Variants in PRKCH observed in about 807,000 individuals in gnomAD.
The protein encoded by PRKCH is protein kinase C eta type.
A neutral mutation model predicts 82.5 loss-of-function variants in PRKCH; 28 were observed. That is an observed-to-expected ratio of 0.34 (90% confidence interval 0.25 to 0.47). The LOEUF (loss-of-function observed/expected upper bound fraction) is 0.47, where lower values mean the gene tolerates loss of function less well. PRKCH is among the 20% of genes least tolerant of loss of function. The pLI, the probability that PRKCH is intolerant of heterozygous loss-of-function variation, is 1.00. For synonymous variants in PRKCH, 322 were observed against 327.4 expected, an observed-to-expected ratio of 0.98 and a Z score of 0.18; for missense variants, 705 against 881.8, an observed-to-expected ratio of 0.80 and a Z score of 2.54.
At chr14:61,506,041 G>T (rs1019184510) in intron 10 of PRKCH, among the ~76,000 whole-genome samples, 2 of 152,040 alleles carry the variant, frequency 1.3e-5, no homozygotes, top group African/African-American at 4.8e-5. Flanking sequence ...AGTCCCCAAG[G>T]TATACTTTAG....
At chr14:61,263,069 C>T (rs1364248066) in intron 1 of PRKCH, among the ~76,000 whole-genome samples, 2 of 152,126 alleles carry the variant, frequency 1.3e-5, no homozygotes, top group Admixed American at 6.6e-5. Flanking sequence ...TAGTTGACTA[C>T]TTATTTTTAT....
chr14:61,352,525 G>A (rs1230427582), intron 1 of PRKCH, among the ~76,000 whole-genome samples: 6 of 151,944 alleles, frequency 3.9e-5, no homozygotes, highest in Admixed American at 6.6e-5. Flanking sequence ...TTAGCTGGGC[G>A]TGGTGGTGTG....
intron 1 of PRKCH, among the ~76,000 whole-genome samples, chr14:61,289,711 ATAAAC>A (rs1458575808): frequency 2.6e-5 from 4 of 152,218 alleles, no homozygotes; most frequent in East Asian, 1.9e-4. Flanking sequence ...TGTCTCAAAA[ATAAAC>A]TAAGTATTGA....
chr14:61,208,855 A>G (rs955844732), intron 1 of PRKCH, among the ~76,000 whole-genome samples: 1 of 152,170 alleles, frequency 6.6e-6, no homozygotes, highest in African/African-American at 2.4e-5. Context: ...CCTAACCCCA[A>G]TATGATGGTA....
intron 9 of PRKCH, among the ~76,000 whole-genome samples, chr14:61,478,824 G>C (rs1019880890): frequency 5.9e-5 from 9 of 152,262 alleles, no homozygotes; most frequent in African/African-American, 1.9e-4. Context: ...TCCTGCCACT[G>C]CCCTCCAGCC....
intron 1 of PRKCH, among the ~76,000 whole-genome samples, chr14:61,283,485 T>C (rs1594890792): frequency 1.3e-5 from 2 of 152,136 alleles, no homozygotes; most frequent in South Asian, 4.1e-4. Flanking sequence ...TACCATCAGG[T>C]GCAGGGAAAG....
chr14:61,386,948 C>G (rs1319050643), intron 1 of PRKCH, among the ~76,000 whole-genome samples: 1 of 152,166 alleles, frequency 6.6e-6, no homozygotes, highest in Non-Finnish European at 1.5e-5. Context: ...AAAAAAATCC[C>G]AAAGAATCAA....
At chr14:61,217,223 C>G (rs779995193) in intron 1 of PRKCH, among the ~76,000 whole-genome samples, 1 of 152,006 alleles carries the variant, frequency 6.6e-6, no homozygotes, top group Non-Finnish European at 1.5e-5. Flanking sequence ...TCTCTCCCAT[C>G]TCTAAAAAAG....
At chr14:61,189,035 C>T (rs1427325897) in intron 1 of PRKCH, among the ~76,000 whole-genome samples, 2 of 152,058 alleles carry the variant, frequency 1.3e-5, no homozygotes, top group African/African-American at 4.8e-5. Flanking sequence ...TGTATTTGAA[C>T]AGAAAAAAGC....
At chr14:61,444,364 C>G (rs1324828044) in intron 3 of PRKCH, among the ~76,000 whole-genome samples, 1 of 152,180 alleles carries the variant, frequency 6.6e-6, no homozygotes, top group Non-Finnish European at 1.5e-5. Flanking sequence ...AGCCCCACCT[C>G]TCTGTGGTTT....
rs1244622607 is a variant in PRKCH at position 61,321,976 on chromosome 14, G to A, written c.-126G>A. 1.9e-6 allele frequency: 2 copies of A among 1,055,428 alleles called. No individual in the cohort carries two copies. The highest frequency in any genetic ancestry group is 2.9e-5 in the Admixed American group (1 of 34,310). The allele number at this position is 1,055,428 out of a possible 1,614,324, so 65.4% of individuals were successfully genotyped here. A position where few individuals can be genotyped will look rare whatever the true frequency, so the allele number is the denominator to read the frequency against. The stretch of plus-strand genomic sequence containing the variant: ...AGAATGGCCAGTCGAGGGGCGCTTA[G>A]GCGCTGCCTTTCCCCAGGGCTGCCT... On this transcript the variant is annotated 5_prime_UTR_variant, in exon 1 of 14. Transcript: ENST00000332981. The surrounding 1 kb of genome is among the most constrained non-coding windows in gnomAD (Gnocchi z 4.1).
chr14:61,433,569 A>C (rs895297428), intron 2 of PRKCH, among the ~76,000 whole-genome samples: 2 of 152,196 alleles, frequency 1.3e-5, no homozygotes, highest in African/African-American at 4.8e-5. Context: ...CTGAGCTTCA[A>C]GTAAATGAGA....
intron 1 of PRKCH, among the ~76,000 whole-genome samples, chr14:61,219,977 G>A (rs553360097): frequency 3.9e-5 from 6 of 152,270 alleles, no homozygotes; most frequent in Admixed American, 3.9e-4. Context: ...TTCCTTGGGA[G>A]GCCTCTGGTA....
chr14:61,529,703 G>A (rs8022475), intron 11 of PRKCH, among the ~76,000 whole-genome samples: 111,511 of 132,758 alleles, frequency 0.84, 47,014 homozygotes, highest in East Asian at 0.93. Flanking sequence ...GGAATTGAAC[G>A]ATGAGATCAC....
intron 1 of PRKCH, among the ~76,000 whole-genome samples, chr14:61,290,033 C>G (rs2045346779): frequency 6.6e-6 from 1 of 152,188 alleles, no homozygotes; most frequent in African/African-American, 2.4e-5. Context: ...GTGGCCCATG[C>G]CTGTTATCCC....
chr14:61,375,941 C>T (rs572676273), intron 1 of PRKCH, among the ~76,000 whole-genome samples: 24 of 150,028 alleles, frequency 1.6e-4, no homozygotes, highest in East Asian at 5.9e-4. Flanking sequence ...CACTTGAACC[C>T]GGGAGGTAGA....
chr14:61,362,717 C>G (rs1165541082), intron 1 of PRKCH, among the ~76,000 whole-genome samples: 1 of 152,240 alleles, frequency 6.6e-6, no homozygotes, highest in Non-Finnish European at 1.5e-5. Flanking sequence ...GCCAGCACTC[C>G]TGAAGATGCT....
chr14:61,413,982 A>C (rs1277691905), intron 2 of PRKCH, among the ~76,000 whole-genome samples: 1 of 152,030 alleles, frequency 6.6e-6, no homozygotes, highest in African/African-American at 2.4e-5. Context: ...CAGAGCCCAC[A>C]CTTTTTGACT....
chr14:61,405,099 C>T (rs978836331), intron 2 of PRKCH, among the ~76,000 whole-genome samples: 1 of 152,164 alleles, frequency 6.6e-6, no homozygotes, highest in South Asian at 2.1e-4. Flanking sequence ...TTTGCTAATG[C>T]GGAAACCATT....
Sources: gnomAD v4.1 joint callset for allele counts (sites outside exome capture counted in the v4.1 genomes callset) on GRCh38, gnomAD v4.1.1 for gene constraint, Gnocchi (gnomAD v3.1) non-coding constraint, MANE v1.5 for transcripts, NCBI Gene and HGNC (gene_info 2026-07-23, HGNC 2026-07-21) for gene names.